GPM6B: variants seen among roughly 807,000 people sequenced by gnomAD.
GPM6B encodes glycoprotein M6B, also known as neuronal membrane glycoprotein M6-b.
A neutral mutation model predicts 27.2 loss-of-function variants in GPM6B; 4 were observed. The ratio of observed to expected loss-of-function variants is 0.15; its 90% CI spans 0.07 to 0.34. The LOEUF (loss-of-function observed/expected upper bound fraction) is 0.34. GPM6B is among the 10% of genes least tolerant of loss of function. The probability of loss-of-function intolerance (pLI) is 1.00; values close to 1 mark genes in which losing one functional copy is unlikely to be tolerated. For missense variants in GPM6B, 183 were observed against 261.9 expected (o/e 0.70, Z 2.08); for synonymous variants, 124 against 103.1 (o/e 1.20, Z -1.23).
At chrX:13,928,101 C>T (rs1921300227) in intron 1 of GPM6B, among the ~76,000 whole-genome samples, 2 of 111,637 alleles carry the variant, frequency 1.8e-5, no homozygotes, top group Admixed American at 1.9e-4. Context: ...GGGCAAGCCA[C>T]ACCAGTCACA....
At position 13,807,718 on chromosome X, in the gene GPM6B, C is replaced by T. The variant is rs776501646; in HGVS notation, c.113G>A (p.Gly38Asp). The change falls in exon 2 of 8, where the codon GGC becomes GAC. Residue 38 changes from glycine to aspartate, a missense_variant. By Grantham distance (94) the Gly-to-Asp change is moderately conservative. Coordinates refer to ENST00000316715, the MANE Select transcript of GPM6B (RefSeq NM_001001995.3). ...GGGATGGTACTGGTGGTTCTTTGAG[C>T]CTGGGTACATCCAGTGGTACCTGCC... is the stretch of plus-strand genomic sequence containing the variant. Reference protein sequence around the residue: ...EIGRYHWMYPGSKNHQYHPVP... With the variant: ...EIGRYHWMYPDSKNHQYHPVP... 2.5e-6 allele frequency: 3 copies of T among 1,206,281 alleles called. No individual in the cohort carries two copies. In the Admixed American group the frequency reaches 6.5e-5, roughly 26 times the overall value.
chrX:13,889,696 C>A (rs1460173282), intron 1 of GPM6B: 1 of 110,109 alleles, frequency 9.1e-6, no homozygotes, highest in Admixed American at 9.7e-5. Flanking sequence ...CTTTACAGTT[C>A]AGTGGCATTA....
intron 1 of GPM6B, among the ~76,000 whole-genome samples, chrX:13,898,196 TG>T (rs751825074): frequency 8.6e-4 from 96 of 111,385 alleles, no homozygotes; most frequent in Non-Finnish European, 1.6e-3. Flanking sequence ...TTCTTTCTGA[TG>T]GGGGCTGTCC....
upstream of GPM6B, among the ~76,000 whole-genome samples, chrX:13,819,349 T>C (rs773861476): frequency 4.5e-5 from 5 of 112,167 alleles, no homozygotes; most frequent in South Asian, 1.9e-3. Flanking sequence ...GAGAAGAGTA[T>C]TGCTTATTAC....
chrX:13,828,991 C>A (rs2049408325), intron 1 of GPM6B, among the ~76,000 whole-genome samples: 1 of 111,482 alleles, frequency 9.0e-6, no homozygotes, highest in Non-Finnish European at 1.9e-5. Context: ...AACCAAGAGT[C>A]AGGCAGCAAT....
chrX:13,779,549 A>G (rs2048476237), intron 5 of GPM6B, among the ~76,000 whole-genome samples: 1 of 112,185 alleles, frequency 8.9e-6, no homozygotes, highest in African/African-American at 3.2e-5. Flanking sequence ...GAACTGCATT[A>G]TAAAGTAGTT....
At chrX:13,784,867 G>A (rs1285133518) in intron 3 of GPM6B, among the ~76,000 whole-genome samples, 1 of 111,963 alleles carries the variant, frequency 8.9e-6, no homozygotes, top group African/African-American at 3.2e-5. Flanking sequence ...TCTTCTGCTG[G>A]AAGAGTTAAT....
intron 1 of GPM6B, among the ~76,000 whole-genome samples, chrX:13,862,508 T>A (rs987415184): frequency 9.0e-6 from 1 of 111,354 alleles, no homozygotes; most frequent in African/African-American, 3.3e-5. Context: ...CAAACACTAT[T>A]TTCATAACAT....
At chrX:13,868,853 G>T (rs1010008536) in intron 1 of GPM6B, among the ~76,000 whole-genome samples, 1 of 111,873 alleles carries the variant, frequency 8.9e-6, no homozygotes, top group Admixed American at 9.5e-5. Context: ...CCCTCTCTGG[G>T]ACTCTAAGGA....
chrX:13,808,943 A>G (rs1375862955), intron 1 of GPM6B, among the ~76,000 whole-genome samples: 2 of 112,190 alleles, frequency 1.8e-5, no homozygotes, highest in Non-Finnish European at 3.8e-5. Flanking sequence ...GGTATACATA[A>G]CTCATTTAAA....
At chrX:13,935,866 G>C (rs1052344344) in intron 1 of GPM6B, among the ~76,000 whole-genome samples, 2 of 112,455 alleles carry the variant, frequency 1.8e-5, no homozygotes, top group African/African-American at 6.5e-5. Flanking sequence ...CATTTAGGTA[G>C]CGTACTGCAT....
At chrX:13,783,634 G>T in intron 3 of GPM6B, 113 bp from the exon 4 acceptor site, 1 of 648,728 alleles carries the variant, frequency 1.5e-6, no homozygotes, top group African/African-American at 2.2e-5. Context: ...TGCGTCACTC[G>T]CCCCACTGAT....
intron 1 of GPM6B, among the ~76,000 whole-genome samples, chrX:13,933,968 A>G (rs748111298): frequency 7.7e-4 from 86 of 111,629 alleles, no homozygotes; most frequent in Non-Finnish European, 1.2e-3. Flanking sequence ...AAGTTAAACA[A>G]AATGTTTAGG....
chrX:13,909,120 C>CTTTT (rs368081524), intron 1 of GPM6B, among the ~76,000 whole-genome samples: 72 of 69,809 alleles, frequency 1.0e-3, no homozygotes, highest in East Asian at 3.8e-3. Context: ...TGTTCATATC[C>CTTTT]TTTTTTTTTT....
chrX:13,813,104 A>C (rs1418283972), intron 1 of GPM6B, among the ~76,000 whole-genome samples: 1 of 111,273 alleles, frequency 9.0e-6, no homozygotes, highest in African/African-American at 3.3e-5. Context: ...CCAAGTTAGA[A>C]AATGTCAACA....
chrX:13,804,092 G>C (rs2048971935), intron 2 of GPM6B, among the ~76,000 whole-genome samples: 1 of 111,395 alleles, frequency 9.0e-6, no homozygotes, highest in Non-Finnish European at 1.9e-5. Flanking sequence ...ATGTGCATAG[G>C]AACTACCTGG....
chrX:13,899,148 T>C (rs992345750), intron 1 of GPM6B, among the ~76,000 whole-genome samples: 2 of 110,650 alleles, frequency 1.8e-5, no homozygotes, highest in Non-Finnish European at 3.8e-5. Flanking sequence ...TGGTGGCTCA[T>C]GCCTGTAATC....
chrX:13,809,516 C>T (rs1603031623), intron 1 of GPM6B, among the ~76,000 whole-genome samples: 1 of 111,731 alleles, frequency 9.0e-6, no homozygotes, highest in Non-Finnish European at 1.9e-5. Flanking sequence ...TGGCTCACAC[C>T]TGTAATCCCA....
chrX:13,804,518 T>C (rs762637575), intron 2 of GPM6B, among the ~76,000 whole-genome samples: 40 of 109,226 alleles, frequency 3.7e-4, no homozygotes, highest in Admixed American at 3.4e-3. Flanking sequence ...CAGCTAAAAA[T>C]TGAAAAGGAA....
Sources: gnomAD v4.1 joint callset for allele counts (sites outside exome capture counted in the v4.1 genomes callset) on GRCh38, gnomAD v4.1.1 for gene constraint, MANE v1.5 for transcripts, NCBI Gene and HGNC (gene_info 2026-07-23, HGNC 2026-07-21) for gene names.